Variants in ANKFN1 observed in about 807,000 individuals in gnomAD.
The protein encoded by ANKFN1 is ankyrin repeat and fibronectin type III domain containing 1.
A neutral mutation model predicts 108.7 loss-of-function variants in ANKFN1; 74 were observed. The ratio of observed to expected loss-of-function variants is 0.68; its 90% CI spans 0.56 to 0.83. The LOEUF is 0.83. Among genes scored for constraint, ANKFN1 ranks in the 40% least tolerant of loss-of-function variants. ANKFN1 has a pLI of 0.00. For synonymous variants in ANKFN1, 547 were observed against 516.2 expected (o/e 1.06, Z -0.81); for missense variants, 1,505 against 1,382.3 (o/e 1.09, Z -1.41).
intron 18 of ANKFN1, among the ~76,000 whole-genome samples, chr17:56,488,847 C>T (rs1222719344): frequency 1.3e-5 from 2 of 152,200 alleles, no homozygotes; most frequent in Non-Finnish European, 2.9e-5. Context: ...CAGTCCTGTT[C>T]TAATATTCTA....
Position 56,511,750 on chromosome 17 carries a change from T to A in ANKFN1, c.*481T>A, listed in dbSNP as rs1230250566. ...TTTGAGGGAAAGACACCAGGTTGTG[T>A]CTCTAGGGCACGGGGTCAGGTGGGC... On this transcript the variant is annotated 3_prime_UTR_variant, in exon 21 of 21. Transcript: ENST00000682825. The A allele has an allele frequency of 6.5e-6, 1 of 154,308 alleles. No individual in the cohort carries two copies. The allele number at this position is 154,308 out of a possible 1,614,324, so 9.6% of individuals were successfully genotyped here.
intron 4 of ANKFN1, among the ~76,000 whole-genome samples, chr17:56,126,294 G>T (rs56335503): frequency 1.5e-5 from 2 of 134,354 alleles, no homozygotes; most frequent in East Asian, 2.1e-4. Flanking sequence ...AAAAAAAAAG[G>T]GGGGGCTATT....
intron 8 of ANKFN1, among the ~76,000 whole-genome samples, chr17:56,375,398 G>A (rs940500841): frequency 2.6e-5 from 4 of 152,106 alleles, no homozygotes; most frequent in Admixed American, 1.3e-4. Flanking sequence ...GCATGGCTCC[G>A]AAAAAGCATA....
At chr17:56,397,457 C>G (rs992645985) in intron 8 of ANKFN1, among the ~76,000 whole-genome samples, 1 of 152,184 alleles carries the variant, frequency 6.6e-6, no homozygotes, top group African/African-American at 2.4e-5. Context: ...CTACAAAGTG[C>G]TTTAAATTCT....
At chr17:56,311,219 A>G (rs1322227448) in intron 3 of ANKFN1, among the ~76,000 whole-genome samples, 1 of 151,822 alleles carries the variant, frequency 6.6e-6, no homozygotes, top group African/African-American at 2.4e-5. Context: ...CTCACTGTTC[A>G]TGTGAAGGTG....
intron 15 of ANKFN1, among the ~76,000 whole-genome samples, chr17:56,474,297 A>G (rs2050426041): frequency 6.6e-6 from 1 of 152,212 alleles, no homozygotes; most frequent in Admixed American, 6.5e-5. Context: ...AACGTAGTCC[A>G]GATTCTACTT....
chr17:56,312,878 C>T (rs563562552), intron 3 of ANKFN1, among the ~76,000 whole-genome samples: 15 of 152,046 alleles, frequency 9.9e-5, no homozygotes, highest in Non-Finnish European at 1.3e-4. Context: ...ACAGTGGGGG[C>T]GGGCACGGTG....
chr17:56,465,760 T>C (rs2145280845), intron 14 of ANKFN1, among the ~76,000 whole-genome samples: 1 of 152,356 alleles, frequency 6.6e-6, no homozygotes, highest in East Asian at 1.9e-4. Context: ...ACCCAGTTTA[T>C]AAGCAATTTT....
At chr17:56,419,760 T>C (rs2048343752) in intron 8 of ANKFN1, among the ~76,000 whole-genome samples, 1 of 148,578 alleles carries the variant, frequency 6.7e-6, no homozygotes, top group African/African-American at 2.5e-5. Context: ...GAGTTATAGG[T>C]TACAATGAGC....
At chr17:56,092,415 C>T (rs919929811) in intron 4 of ANKFN1, among the ~76,000 whole-genome samples, 2 of 150,364 alleles carry the variant, frequency 1.3e-5, no homozygotes, top group Non-Finnish European at 1.5e-5. Context: ...GCTGGGACTA[C>T]AGGCACCCCC....
At chr17:56,504,602 G>A (rs2051489446) in intron 20 of ANKFN1, among the ~76,000 whole-genome samples, 1 of 152,082 alleles carries the variant, frequency 6.6e-6, no homozygotes, top group Admixed American at 6.6e-5. Flanking sequence ...TCTCTATTTA[G>A]GGTGAAGAGA....
chr17:56,214,954 T>G (rs1449863679), intron 2 of ANKFN1, among the ~76,000 whole-genome samples: 1 of 152,266 alleles, frequency 6.6e-6, no homozygotes, highest in East Asian at 1.9e-4. Flanking sequence ...CTCTAGCTTT[T>G]GGGGCAGTAA....
At chr17:56,410,287 A>G (rs1235390875) in intron 8 of ANKFN1, among the ~76,000 whole-genome samples, 1 of 152,090 alleles carries the variant, frequency 6.6e-6, no homozygotes, top group Non-Finnish European at 1.5e-5. Context: ...CATGTTGGCC[A>G]GGTTTCACCA....
chr17:56,125,115 C>T (rs1282376101), intron 4 of ANKFN1, among the ~76,000 whole-genome samples: 1 of 152,220 alleles, frequency 6.6e-6, no homozygotes, highest in African/African-American at 2.4e-5. Context: ...ATTGACCTCT[C>T]TTTTCTCTAT....
intron 7 of ANKFN1, 128 bp from the exon 8 acceptor site, chr17:56,374,473 A>G (rs1441971446): frequency 5.7e-6 from 4 of 700,210 alleles, no homozygotes; most frequent in Non-Finnish European, 9.8e-6. Flanking sequence ...TTCAAAAGCG[A>G]AAGCTATTAG....
intron 8 of ANKFN1, among the ~76,000 whole-genome samples, chr17:56,391,953 G>A (rs1286458406): frequency 7.2e-5 from 11 of 152,030 alleles, no homozygotes; most frequent in South Asian, 4.2e-4. Context: ...CAGCTATTAC[G>A]TGTCAGACTG....
rs1910915917 is a variant in ANKFN1 at position 56,174,130 on chromosome 17, A to C, written c.-71+20600A>C. ...GTCAGCTTGACATTGTGGGTGGTGC[A>C]GTTGGGAGGGGAGGGACTGCATTCA... On this transcript the variant is annotated intron_variant, in intron 1 of 20. Transcript: ENST00000682825. 1.5e-5 allele frequency: 14 copies of C among 958,660 alleles called. 1 individual carries two copies. The South Asian group carries it at 6.3e-4, about 43-fold the overall frequency. 59.4% of individuals were successfully genotyped at this position (958,660 alleles called of 1,614,324 possible). A position where few individuals can be genotyped will look rare whatever the true frequency, so the allele number is the denominator to read the frequency against.
At chr17:56,096,541 G>A (rs890438438) in intron 4 of ANKFN1, among the ~76,000 whole-genome samples, 2 of 152,096 alleles carry the variant, frequency 1.3e-5, no homozygotes, top group African/African-American at 4.8e-5. Context: ...TAGGATAATG[G>A]AAGAGGAACA....
intron 4 of ANKFN1, among the ~76,000 whole-genome samples, chr17:56,332,549 T>C (rs1460718328): frequency 6.6e-6 from 1 of 152,188 alleles, no homozygotes; most frequent in African/African-American, 2.4e-5. Context: ...GAAAAGATTA[T>C]CTTTTTTCCT....
Sources: gnomAD v4.1 joint callset for allele counts (sites outside exome capture counted in the v4.1 genomes callset) on GRCh38, gnomAD v4.1.1 for gene constraint, MANE v1.5 for transcripts, NCBI Gene and HGNC (gene_info 2026-07-23, HGNC 2026-07-21) for gene names.